Variants in CLCA1 observed in about 807,000 individuals in gnomAD.
CLCA1 encodes calcium-activated chloride channel regulator 1.
Under a neutral mutation model 85.6 loss-of-function variants are expected in CLCA1, and 59 were observed. That is an observed-to-expected ratio of 0.69 (90% CI 0.56 to 0.86). The LOEUF (loss-of-function observed/expected upper bound fraction) is 0.86, where lower values mean the gene tolerates loss of function less well. CLCA1 is among the 40% of genes least tolerant of loss of function. The pLI, the probability that CLCA1 is intolerant of heterozygous loss-of-function variation, is 0.00. For missense variants in CLCA1, 1,022 were observed against 1,101.4 expected (o/e 0.93, Z 1.02); for synonymous variants, 396 against 398.3 (o/e 0.99, Z 0.07).
intron 6 of CLCA1, 39 bp downstream of exon 6, chr1:86,485,600 C>T (rs1381982091): frequency 1.3e-6 from 2 of 1,566,216 alleles, no homozygotes; most frequent in East Asian, 4.5e-5. Context: ...ATGCTGGTCA[C>T]AGATATGCAT....
In CLCA1 at chr1:86,485,382, G is replaced by A. The variant is rs754155892; in HGVS notation, c.775G>A (p.Ala259Thr). ...FCTEQNHNKE[A>T]PNKQNQKCNL... ...TACAGAACAAAACCACAACAAAGAAGCTCCAAACAAGCAAAATCAAAAATG... is the reference window on the plus strand; with the variant it reads ...TACAGAACAAAACCACAACAAAGAAACTCCAAACAAGCAAAATCAAAAATG... Residue 259 changes from alanine (A) to threonine (T), a missense_variant, in exon 6 of 14, where the codon GCT (alanine) becomes ACT (threonine). Physicochemically the swap from Ala to Thr is moderately conservative, Grantham distance 58. Transcript: ENST00000394711. The A allele has an allele frequency of 1.9e-6, 3 of 1,613,940 alleles. No individual in the cohort carries two copies. The highest frequency in any genetic ancestry group is 2.2e-5 in the South Asian group (2 of 91,078).
At chr1:86,495,290 A>G (rs1298903332) in intron 11 of CLCA1, among the ~76,000 whole-genome samples, 2 of 152,212 alleles carry the variant, frequency 1.3e-5, no homozygotes, top group African/African-American at 4.8e-5. Flanking sequence ...TTTCAAAAAG[A>G]AAGTCAACAA....
chr1:86,497,883 C>T (rs533212442), intron 12 of CLCA1, among the ~76,000 whole-genome samples: 2 of 152,294 alleles, frequency 1.3e-5, no homozygotes, highest in East Asian at 3.9e-4. Context: ...TGGCTCACTC[C>T]TGTAATCCCA....
chr1:86,481,577 T>C (rs1647824138), intron 4 of CLCA1, among the ~76,000 whole-genome samples: 1 of 152,192 alleles, frequency 6.6e-6, no homozygotes, highest in Admixed American at 6.5e-5. Flanking sequence ...TTGGTAACAG[T>C]AGCTCATTTC....
At chr1:86,491,896 G>A (rs192238237) in intron 9 of CLCA1, among the ~76,000 whole-genome samples, 24 of 150,782 alleles carry the variant, frequency 1.6e-4, no homozygotes, top group African/African-American at 5.5e-4. Context: ...ATGTGACCTA[G>A]GCAAAGAACT....
chr1:86,499,561 T>G, intron 13 of CLCA1, 93 bp from the exon 14 acceptor site: 1 of 804,986 alleles, frequency 1.2e-6, no homozygotes, highest in Non-Finnish European at 1.9e-6. Flanking sequence ...CATAGACTTT[T>G]AAAGCTTTTT....
chr1:86,485,562 G>T lies in CLCA1; in HGVS notation c.954+1G>T, dbSNP rs1182057013. 3.1e-6 allele frequency: 5 copies of T among 1,613,542 alleles called. No homozygotes were observed. Among genetic ancestry groups the T allele is most frequent in the Non-Finnish European group, 3.4e-6 (4 of 1,179,584 alleles). ...CCTTGACAAATCTGGAAGCATGGCG[G>T]TATGTTCAATGAGTCTTGGTCTTCT... On this transcript the variant is annotated splice_donor_variant, in intron 6 of 13. Coordinates refer to ENST00000394711, the MANE Select transcript of CLCA1 (RefSeq NM_001285.4). LOFTEE classifies it high-confidence loss of function.
intron 10 of CLCA1, 131 bp downstream of exon 10, chr1:86,493,730 G>C (rs1369320111): frequency 2.0e-5 from 14 of 703,466 alleles, no homozygotes; most frequent in Non-Finnish European, 3.0e-5. Flanking sequence ...GAGAGAACGA[G>C]GAAAAAAAAT....
chr1:86,483,301 G>A (rs1003033148), intron 5 of CLCA1, among the ~76,000 whole-genome samples: 3 of 151,982 alleles, frequency 2.0e-5, no homozygotes, highest in African/African-American at 4.8e-5. Flanking sequence ...TTACACAAAC[G>A]TTTTTCAGGT....
At chr1:86,483,404 A>G (rs1470269262) in intron 5 of CLCA1, among the ~76,000 whole-genome samples, 1 of 152,184 alleles carries the variant, frequency 6.6e-6, no homozygotes, top group Non-Finnish European at 1.5e-5. Flanking sequence ...ATGTTGTACA[A>G]CTAATGATTA....
intron 1 of CLCA1, among the ~76,000 whole-genome samples, chr1:86,470,911 G>T (rs1647482875): frequency 6.6e-6 from 1 of 152,160 alleles, no homozygotes; most frequent in South Asian, 2.1e-4. Flanking sequence ...ATTTGCTTCA[G>T]CAGGACAGTC....
rs201458901 is a variant in CLCA1, at chr1:86,494,362, C to A, written c.1856C>A (p.Ser619Tyr). Residue 619 changes from serine to tyrosine, a missense_variant, in exon 11 of 14, where the codon TCC (serine) becomes TAC (tyrosine). Physicochemically the swap from Ser to Tyr is moderately radical, Grantham distance 144. Coordinates refer to ENST00000394711, the MANE Select transcript of CLCA1 (RefSeq NM_001285.4). ...TATGCAAATATTCGCCAAGGAGCCT[C>A]CCCAATTCTCAGGGCCAGTGTCACA... Reference protein sequence around the residue: ...VVYANIRQGASPILRASVTAL... With the variant: ...VVYANIRQGAYPILRASVTAL... 14 of 1,614,208 alleles carry A rather than the reference C, an allele frequency of 8.7e-6. No individual in the cohort carries two copies. In the Admixed American group the frequency reaches 2.3e-4, roughly 27 times the overall value.
chr1:86,489,063 C>T lies in CLCA1; in HGVS notation c.1250C>T (p.Thr417Ile), dbSNP rs759763501. The change falls in exon 8 of 14, where the codon ACT (threonine) becomes ATT (isoleucine). Residue 417 changes from threonine to isoleucine, a missense_variant. Coordinates refer to ENST00000394711, the MANE Select transcript of CLCA1 (RefSeq NM_001285.4). The stretch of plus-strand genomic sequence containing the variant: ...CTGCTGACGGATGGGGAAGACAACA[C>T]TATAAGTGGGTGCTTTAACGAGGTC... The part of the protein sequence containing the change: ...IVLLTDGEDN[T>I]ISGCFNEVKQ... The T allele has an allele frequency of 2.5e-6, 4 of 1,613,930 alleles. No homozygotes were observed. The highest frequency in any genetic ancestry group is 3.4e-6 in the Non-Finnish European group (4 of 1,179,970).
rs41286590 is a variant in CLCA1, at chr1:86,495,608, C to T, written c.2046C>T (p.Asn682=). The T allele has an allele frequency of 1.1e-5, 18 of 1,613,924 alleles. No individual in the cohort carries two copies. The highest frequency in any genetic ancestry group is 3.3e-5 in the South Asian group (3 of 91,086). The stretch of plus-strand genomic sequence containing the variant: ...AAGTGCGGGCTCTGGGAGGAGTTAA[C>T]GCAGCCAGACGGAGAGTGATACCCC... ...SVKVRALGGV[N]AARRRVIPQQ... is the part of the protein sequence containing the mutation. Residue 682 remains asparagine (N), a synonymous_variant, in exon 12 of 14, where the codon AAC becomes AAT. Coordinates refer to ENST00000394711, the MANE Select transcript of CLCA1 (RefSeq NM_001285.4).
At position 86,482,255 on chromosome 1, in the gene CLCA1, G is replaced by A. The variant is rs148192851; in HGVS notation, c.608G>A (p.Gly203Asp). The change falls in exon 5 of 14, where the codon GGC becomes GAC. Residue 203 changes from glycine to aspartate, a missense_variant. Physicochemically the swap from Gly to Asp is moderately conservative, Grantham distance 94 (BLOSUM62 -1). Coordinates refer to ENST00000394711, the MANE Select transcript of CLCA1 (RefSeq NM_001285.4). The stretch of plus-strand genomic sequence containing the variant: ...AATGTAGTAAAGAAGTGTCAGGGAG[G>A]CAGCTGTTACACCAAAAGATGCACA... ...GTNVVKKCQG[G>D]SCYTKRCTFN... The A allele has an allele frequency of 1.2e-6, 2 of 1,613,980 alleles. No individual in the cohort carries two copies. Among genetic ancestry groups the A allele is most frequent in the Non-Finnish European group, 1.7e-6 (2 of 1,179,858 alleles).
intron 8 of CLCA1, among the ~76,000 whole-genome samples, chr1:86,489,949 A>G (rs145894131): frequency 7.2e-5 from 11 of 152,186 alleles, no homozygotes; most frequent in African/African-American, 2.4e-4. Flanking sequence ...GGTCCATGCA[A>G]TTTATAGGAG....
At chr1:86,476,677 C>T in intron 4 of CLCA1, 124 bp downstream of exon 4, 1 of 505,550 alleles carries the variant, frequency 2.0e-6, no homozygotes, top group African/African-American at 1.9e-5. Flanking sequence ...TTCTTAGTGC[C>T]TTCTTTTTCA....
chr1:86,483,906 A>T (rs762755140), intron 5 of CLCA1, among the ~76,000 whole-genome samples: 1 of 152,212 alleles, frequency 6.6e-6, no homozygotes, highest in Non-Finnish European at 1.5e-5. Flanking sequence ...TCACAGTTCC[A>T]CATGGCTAGG....
chr1:86,499,852 A>C lies in CLCA1; in HGVS notation c.2552A>C (p.Asp851Ala). Residue 851 changes from aspartate to alanine, a missense_variant, in exon 14 of 14, where the codon GAT (aspartate) becomes GCT (alanine). By Grantham distance (126) the Asp-to-Ala change is moderately radical (BLOSUM62 -2). Transcript: ENST00000394711. Reference sequence around the variant, plus strand: ...GCTATTCAGGCTGTTGATAAGGTCGATCTGAAATCAGAAATATCCAACATT... The same window carrying C: ...GCTATTCAGGCTGTTGATAAGGTCGCTCTGAAATCAGAAATATCCAACATT... ...FIAIQAVDKV[D>A]LKSEISNIAR... 6.2e-7 allele frequency: 1 copy of C among 1,613,570 alleles called. No homozygotes were observed. Among genetic ancestry groups the C allele is most frequent in the Non-Finnish European group, 8.5e-7 (1 of 1,179,450 alleles).
Sources: allele counts gnomAD v4.1 joint callset (sites outside exome capture counted in the v4.1 genomes callset), GRCh38; gene constraint gnomAD v4.1.1; transcripts MANE v1.5; gene names NCBI Gene and HGNC (gene_info 2026-07-23, HGNC 2026-07-21).